CACNA2D3: variants seen among roughly 807,000 people sequenced by gnomAD.
CACNA2D3 encodes the protein voltage-dependent calcium channel subunit alpha-2/delta-3.
In CACNA2D3, 60 loss-of-function variants were observed where a neutral mutation model predicts 160.6. That is an observed-to-expected ratio of 0.37 (90% CI 0.30 to 0.46). The LOEUF (loss-of-function observed/expected upper bound fraction) is 0.46. Ranked by LOEUF, CACNA2D3 falls within the 20% of genes least tolerant of loss-of-function variation. The probability of loss-of-function intolerance (pLI) is 1.00; values close to 1 mark genes in which losing one functional copy is unlikely to be tolerated. For synonymous variants in CACNA2D3, 558 were observed against 492.9 expected (o/e 1.13, Z -1.75); for missense variants, 1,205 against 1,365.0 (o/e 0.88, Z 1.85).
chr3:54,350,669 C>T (rs554289455), intron 3 of CACNA2D3, among the ~76,000 whole-genome samples: 10 of 152,292 alleles, frequency 6.6e-5, no homozygotes, highest in African/African-American at 2.4e-4. Context: ...CAACACCAGC[C>T]ACATTGTATC....
intron 9 of CACNA2D3, among the ~76,000 whole-genome samples, chr3:54,595,319 T>TGTGTGGGG (rs1364570785): frequency 8.5e-5 from 11 of 129,164 alleles, no homozygotes; most frequent in South Asian, 2.8e-4. Context: ...GTGTGGTGTG[T>TGTGTGGGG]GTGTGTGTGT....
At chr3:54,126,029 T>C (rs1699583895) in intron 2 of CACNA2D3, among the ~76,000 whole-genome samples, 1 of 152,208 alleles carries the variant, frequency 6.6e-6, no homozygotes, top group Non-Finnish European at 1.5e-5. Context: ...GACAATACTA[T>C]GTTGTATAAT....
chr3:54,745,688 C>G (rs1317288842), intron 11 of CACNA2D3, among the ~76,000 whole-genome samples: 3 of 152,192 alleles, frequency 2.0e-5, no homozygotes, highest in African/African-American at 7.2e-5. Flanking sequence ...GTACCAACCC[C>G]AGGTCGTAGT....
At chr3:54,652,077 A>G (rs1309323544) in intron 11 of CACNA2D3, among the ~76,000 whole-genome samples, 1 of 152,172 alleles carries the variant, frequency 6.6e-6, no homozygotes, top group Admixed American at 6.5e-5. Context: ...GCAACTTGGA[A>G]AGGCGTTAAG....
intron 17 of CACNA2D3, among the ~76,000 whole-genome samples, chr3:54,850,598 G>A (rs771052184): frequency 3.3e-5 from 5 of 152,166 alleles, no homozygotes; most frequent in Non-Finnish European, 7.3e-5. Flanking sequence ...TTAGAATAAA[G>A]GGACAGCTAA....
At chr3:54,933,056 CCTTCCTTCCTTCCTTCCTTCCTTCCTT>C (rs1701236772) in intron 27 of CACNA2D3, among the ~76,000 whole-genome samples, 1 of 6,894 alleles carries the variant, frequency 1.5e-4, no homozygotes, top group African/African-American at 2.6e-4. Flanking sequence ...TCCCTCCCTT[CCTTCCTTCCTTCCTTCCTTCCTTCCTT>C]CCTTCCTTCC....
At chr3:54,406,998 C>T (rs577436497) in intron 4 of CACNA2D3, among the ~76,000 whole-genome samples, 2 of 152,250 alleles carry the variant, frequency 1.3e-5, no homozygotes, top group South Asian at 4.1e-4. Context: ...TCACCTACTT[C>T]TACAGAATTT....
chr3:54,701,019 TTC>T (rs1700758678), intron 11 of CACNA2D3, among the ~76,000 whole-genome samples: 1 of 152,216 alleles, frequency 6.6e-6, no homozygotes. Context: ...GGCTGCAGAA[TTC>T]TCTGTTCTAA....
At chr3:54,995,942 C>G (rs572814881) in intron 31 of CACNA2D3, among the ~76,000 whole-genome samples, 3 of 152,210 alleles carry the variant, frequency 2.0e-5, no homozygotes, top group African/African-American at 7.2e-5. Flanking sequence ...ATGCCCAATG[C>G]GGTCCTGAAC....
intron 4 of CACNA2D3, among the ~76,000 whole-genome samples, chr3:54,416,834 TTAAA>T (rs1364415054): frequency 2.0e-5 from 3 of 152,194 alleles, no homozygotes; most frequent in African/African-American, 2.4e-5. Context: ...TTAATGGCTG[TTAAA>T]TTAATACTTA....
At chr3:54,597,399 C>T (rs1017584672) in intron 9 of CACNA2D3, among the ~76,000 whole-genome samples, 1 of 151,714 alleles carries the variant, frequency 6.6e-6, no homozygotes, top group Admixed American at 6.6e-5. Context: ...CTTTTTTTTC[C>T]ACTTGCTCCT....
At chr3:55,070,588 A>T (rs165440) in intron 35 of CACNA2D3, among the ~76,000 whole-genome samples, 1 of 151,992 alleles carries the variant, frequency 6.6e-6, no homozygotes, top group African/African-American at 2.4e-5. Context: ...GCAGAGGGAC[A>T]TTAATACTCA....
At chr3:54,882,152 A>G (rs1450596136) in intron 21 of CACNA2D3, among the ~76,000 whole-genome samples, 2 of 152,216 alleles carry the variant, frequency 1.3e-5, no homozygotes, top group Non-Finnish European at 2.9e-5. Flanking sequence ...TTTCAGGATC[A>G]TGTTTTCACT....
intron 34 of CACNA2D3, among the ~76,000 whole-genome samples, chr3:55,013,140 A>G (rs561964016): frequency 2.0e-5 from 3 of 152,254 alleles, no homozygotes; most frequent in Non-Finnish European, 4.4e-5. Flanking sequence ...GTGCTGATAC[A>G]TAAGTGCTTT....
At chr3:54,727,889 C>G (rs1217280238) in intron 11 of CACNA2D3, among the ~76,000 whole-genome samples, 1 of 152,070 alleles carries the variant, frequency 6.6e-6, no homozygotes, top group Non-Finnish European at 1.5e-5. Context: ...CACATGTACC[C>G]CAGAACTTCA....
intron 11 of CACNA2D3, among the ~76,000 whole-genome samples, chr3:54,686,264 A>G (rs902669410): frequency 1.3e-5 from 2 of 152,228 alleles, no homozygotes; most frequent in African/African-American, 2.4e-5. Flanking sequence ...AATAGTTGCA[A>G]CAGAGACCAA....
intron 25 of CACNA2D3, chr3:54,894,524 A>T (rs1053199117): frequency 2.1e-6 from 1 of 468,004 alleles, no homozygotes; most frequent in African/African-American, 2.0e-5. Context: ...CTCATCTACC[A>T]TGACTCTGGA....
intron 3 of CACNA2D3, among the ~76,000 whole-genome samples, chr3:54,351,982 A>G (rs1160834368): frequency 6.6e-6 from 1 of 152,112 alleles, no homozygotes; most frequent in Non-Finnish European, 1.5e-5. Flanking sequence ...GTCTGCAGCA[A>G]ATTCTCCCTC....
chr3:54,580,518 G>A (rs1309191073), intron 8 of CACNA2D3, among the ~76,000 whole-genome samples: 1 of 152,084 alleles, frequency 6.6e-6, no homozygotes, highest in Non-Finnish European at 1.5e-5. Context: ...GAGTTAGCTG[G>A]GTCTGGGAGA....
Sources: gnomAD v4.1 joint callset for allele counts (sites outside exome capture counted in the v4.1 genomes callset) on GRCh38, gnomAD v4.1.1 for gene constraint, MANE v1.5 for transcripts, NCBI Gene and HGNC (gene_info 2026-07-23, HGNC 2026-07-21) for gene names.